NOD2: variants seen among roughly 807,000 people sequenced by gnomAD.
The protein encoded by NOD2 is nucleotide-binding oligomerization domain-containing protein 2.
In NOD2, 86 loss-of-function variants were observed where a neutral mutation model predicts 90.9. That is an observed-to-expected ratio of 0.95 (90% CI 0.79 to 1.13). The LOEUF is 1.13. NOD2 is among the 50% of genes most tolerant of loss of function. The pLI is 0.00. For missense variants in NOD2, 1,238 were observed against 1,283.8 expected (o/e 0.96, Z 0.55); for synonymous variants, 581 against 554.6 (o/e 1.05, Z -0.67).
intron 11 of NOD2, among the ~76,000 whole-genome samples, chr16:50,730,322 A>G (rs1185443975): frequency 6.6e-6 from 1 of 152,210 alleles, no homozygotes; most frequent in Non-Finnish European, 1.5e-5. Flanking sequence ...CCAATTCTCT[A>G]TAATTAAAGC....
At chr16:50,713,741 G>T (rs972164038) in intron 4 of NOD2, among the ~76,000 whole-genome samples, 3 of 151,962 alleles carry the variant, frequency 2.0e-5, no homozygotes, top group African/African-American at 7.3e-5. Context: ...CTAATTAGCT[G>T]GGGGGAAGGT....
At chr16:50,706,959 A>G (rs916817602) in intron 2 of NOD2, among the ~76,000 whole-genome samples, 1 of 152,098 alleles carries the variant, frequency 6.6e-6, no homozygotes, top group African/African-American at 2.4e-5. Flanking sequence ...TGGCCTCCCA[A>G]ATTGCTGGGA....
chr16:50,730,304 C>A (rs1259938825), intron 11 of NOD2, among the ~76,000 whole-genome samples: 7 of 152,182 alleles, frequency 4.6e-5, no homozygotes, highest in Admixed American at 6.5e-5. Flanking sequence ...GCAGGTTGCA[C>A]AGTGTTTCCA....
At chr16:50,724,047 A>G (rs1965181322) in intron 9 of NOD2, among the ~76,000 whole-genome samples, 1 of 152,252 alleles carries the variant, frequency 6.6e-6, no homozygotes, top group Admixed American at 6.5e-5. Context: ...AAGAGGAACC[A>G]TGAATCATGC....
intron 2 of NOD2, 97 bp from the exon 3 acceptor site, chr16:50,707,758 G>C: frequency 1.2e-6 from 1 of 866,620 alleles, no homozygotes; most frequent in Non-Finnish European, 2.0e-6. Flanking sequence ...ATTCTGGATG[G>C]AAGAGAGATG....
At chr16:50,695,221 G>T (rs1294922754) in intron 1 of NOD2, among the ~76,000 whole-genome samples, 1 of 152,126 alleles carries the variant, frequency 6.6e-6, no homozygotes, top group African/African-American at 2.4e-5. Context: ...TCATTCTCGG[G>T]AGAGACCATG....
At chr16:50,722,537 A>G in intron 7 of NOD2, 85 bp from the exon 8 acceptor site, 1 of 1,312,016 alleles carries the variant, frequency 7.6e-7, no homozygotes, top group Non-Finnish European at 1.1e-6. Context: ...CTGGGACTGC[A>G]GAGGGAGGAG....
chr16:50,699,192 T>G (rs1963807416), intron 1 of NOD2, among the ~76,000 whole-genome samples: 1 of 152,184 alleles, frequency 6.6e-6, no homozygotes, highest in South Asian at 2.1e-4. Context: ...TTGCTCCTAA[T>G]ATTACCTCAA....
At position 50,722,602 on chromosome 16, in the gene NOD2, G is replaced by A; in HGVS notation, c.2634-20G>A. On this transcript the variant is annotated intron_variant, in intron 7 of 11. Coordinates refer to ENST00000647318, the MANE Select transcript of NOD2 (RefSeq NM_001370466.1). ...CAGGTACTCACTGACACTGTCTGTTGACTCTTTTGGCCTTTTCAGATTCTG... is the reference window on the plus strand; with the variant it reads ...CAGGTACTCACTGACACTGTCTGTTAACTCTTTTGGCCTTTTCAGATTCTG... 1 of 1,611,346 alleles carries A rather than the reference G, an allele frequency of 6.2e-7. No homozygotes were observed. Among genetic ancestry groups the A allele is most frequent in the South Asian group, 1.1e-5 (1 of 91,016 alleles).
chr16:50,722,804 C>A (rs1965119204), intron 8 of NOD2, 99 bp downstream of exon 8: 1 of 1,097,796 alleles, frequency 9.1e-7, no homozygotes, highest in East Asian at 2.4e-5. Flanking sequence ...TATTTCTACC[C>A]CACAATGTTA....
At chr16:50,728,154 G>T in intron 10 of NOD2, 2 of 208,494 alleles carry the variant, frequency 9.6e-6, no homozygotes, top group South Asian at 1.5e-4. Context: ...AATGCTGAAT[G>T]ACCATGGAAT....
At chr16:50,720,718 G>T (rs1965015443) in intron 7 of NOD2, among the ~76,000 whole-genome samples, 2 of 152,204 alleles carry the variant, frequency 1.3e-5, no homozygotes, top group South Asian at 2.1e-4. Flanking sequence ...TAGAACCTGG[G>T]ACTGTAGGAA....
At chr16:50,726,301 T>C (rs930371108) in intron 10 of NOD2, among the ~76,000 whole-genome samples, 2 of 152,166 alleles carry the variant, frequency 1.3e-5, no homozygotes, top group Non-Finnish European at 2.9e-5. Flanking sequence ...CTCCTTTTGC[T>C]GGAGGAAAGT....
Position 50,697,379 on chromosome 16 carries a change from C to CG in NOD2, c.-8-2108dup. On this transcript the variant is annotated intron_variant, in intron 1 of 11. Transcript: ENST00000647318. ...CTCAGCCTTCTTTCATCCTTGGCCGCGACATGCTCCCAGGCCTGGGGTCAG... is the reference window on the plus strand; with the variant it reads ...CTCAGCCTTCTTTCATCCTTGGCCGCGGACATGCTCCCAGGCCTGGGGTCAG... 3 of 1,426,970 alleles carry CG rather than the reference C, an allele frequency of 2.1e-6. No individual in the cohort carries two copies. The Middle Eastern group carries it at 5.2e-4, about 247-fold the overall frequency. The allele number at this position is 1,426,970 out of a possible 1,614,324, so 88.4% of individuals were successfully genotyped here.
At chr16:50,718,372 C>T (rs1461456418) in intron 6 of NOD2, among the ~76,000 whole-genome samples, 2 of 152,202 alleles carry the variant, frequency 1.3e-5, no homozygotes, top group Non-Finnish European at 2.9e-5. Flanking sequence ...AGCGTGGATG[C>T]GCTGGACGGG....
At chr16:50,723,178 CAATT>C (rs1408553820) in intron 8 of NOD2, 119 bp from the exon 9 acceptor site, 4 of 617,296 alleles carry the variant, frequency 6.5e-6, no homozygotes, top group Non-Finnish European at 1.2e-5. Context: ...GCACCGCAAT[CAATT>C]AGTGATGTCT....
chr16:50,712,633 G>C, intron 4 of NOD2: 2 of 562,558 alleles, frequency 3.6e-6, no homozygotes, highest in Non-Finnish European at 6.4e-6. Flanking sequence ...CAACCACCCT[G>C]GCGGGTAGGC....
At position 50,699,921 on chromosome 16, in the gene NOD2, AATCAGGTTGCCG is replaced by A; in HGVS notation, c.430_441del (p.Arg144_Ile147del). On this transcript the variant is annotated inframe_deletion, in exon 2 of 12. Coordinates refer to ENST00000647318, the MANE Select transcript of NOD2 (RefSeq NM_001370466.1). ...TCGTCAGCCAGTATGAATGTGATGA[AATCAGGTTGCCG>A]ATCTTCACACCGTCCCAGAGGGTGA... 6.2e-7 allele frequency: 1 copy of A among 1,610,284 alleles called. No homozygotes were observed. Among genetic ancestry groups the A allele is most frequent in the South Asian group, 1.1e-5 (1 of 91,076 alleles).
rs773618663 is a variant in NOD2, at chr16:50,711,981, G to A, written c.1989G>A (p.Leu663=). 1 of 1,613,398 alleles carries A rather than the reference G, an allele frequency of 6.2e-7. No individual in the cohort carries two copies. Among genetic ancestry groups the A allele is most frequent in the South Asian group, 1.1e-5 (1 of 91,054 alleles). ...TGTCCCGGGAGCACTGGGGCCTGCT[G>A]GCTGAGTGCCAGACATCTGAGAAGG... ...GLLSREHWGL[L]AECQTSEKAL... is the part of the protein sequence containing the mutation. The change falls in exon 4 of 12, where the codon CTG becomes CTA. Residue 663 remains leucine (L), a synonymous_variant. Coordinates refer to ENST00000647318, the MANE Select transcript of NOD2 (RefSeq NM_001370466.1).
Sources: allele counts gnomAD v4.1 joint callset (sites outside exome capture counted in the v4.1 genomes callset), GRCh38; gene constraint gnomAD v4.1.1; transcripts MANE v1.5; gene names NCBI Gene and HGNC (gene_info 2026-07-23, HGNC 2026-07-21).